PSPC1: variants seen among roughly 807,000 people sequenced by gnomAD.
PSPC1 encodes paraspeckle component 1.
PSPC1 carries 14 observed loss-of-function variants against 51.6 expected under a neutral mutation model. That is an observed-to-expected ratio of 0.27 (90% CI 0.18 to 0.42). PSPC1 has a LOEUF of 0.42. Among genes scored for constraint, PSPC1 ranks in the 10% least tolerant of loss-of-function variants. The probability of loss-of-function intolerance (pLI) is 1.00; values close to 1 mark genes in which losing one functional copy is unlikely to be tolerated. For missense variants in PSPC1, 406 were observed against 701.1 expected, an observed-to-expected ratio of 0.58 and a Z score of 4.75; for synonymous variants, 193 against 231.9, an observed-to-expected ratio of 0.83 and a Z score of 1.53.
chr13:19,715,453 A>G (rs1045590999), intron 6 of PSPC1, among the ~76,000 whole-genome samples: 1 of 152,202 alleles, frequency 6.6e-6, no homozygotes, highest in Non-Finnish European at 1.5e-5. Context: ...AAACAAGGTT[A>G]GCATAACCAT....
chr13:19,723,295 TAATC>T (rs1220491057), intron 6 of PSPC1, among the ~76,000 whole-genome samples: 1 of 152,218 alleles, frequency 6.6e-6, no homozygotes, highest in Non-Finnish European at 1.5e-5. Context: ...AAAAAAATGT[TAATC>T]AATACAATTA....
Position 19,772,471 on chromosome 13 carries a change from T to C in PSPC1, c.445A>G (p.Ile149Val). The change falls in exon 2 of 9, where the codon ATT (isoleucine) becomes GTT (valine). Residue 149 changes from isoleucine to valine, a missense_variant. By Grantham distance (29) the Ile-to-Val change is conservative (BLOSUM62 3). Coordinates refer to ENST00000338910, the MANE Select transcript of PSPC1 (RefSeq NM_001354909.2). ...GTILKSRPLR[I>V]RFATHGAALT... ...GCTGCTCCATGTGTAGCGAAGCGAA[T>C]CCGTAGAGGTCTGCTCTTGAGAATG... 1 of 1,614,250 alleles carries C rather than the reference T, an allele frequency of 6.2e-7. No homozygotes were observed. The highest frequency in any genetic ancestry group is 1.7e-4 in the Middle Eastern group (1 of 6,046).
At chr13:19,724,253 A>C (rs1284307217) in intron 6 of PSPC1, among the ~76,000 whole-genome samples, 1 of 152,228 alleles carries the variant, frequency 6.6e-6, no homozygotes, top group African/African-American at 2.4e-5. Context: ...TCAGAAAATA[A>C]ATTTGTATCT....
intron 4 of PSPC1, among the ~76,000 whole-genome samples, chr13:19,745,028 A>C (rs1885819279): frequency 6.6e-6 from 1 of 152,188 alleles, no homozygotes; most frequent in Non-Finnish European, 1.5e-5. Context: ...ACAGTGGCTT[A>C]CCAAAGTGGG....
chr13:19,700,971 A>C (rs1879834549), downstream of PSPC1, among the ~76,000 whole-genome samples: 1 of 152,292 alleles, frequency 6.6e-6, no homozygotes, highest in Non-Finnish European at 1.5e-5. Context: ...AAAACACGGA[A>C]TAACTGGGAG....
chr13:19,713,545 CAAAAAAA>C (rs61024238), intron 6 of PSPC1, among the ~76,000 whole-genome samples: 11 of 87,230 alleles, frequency 1.3e-4, no homozygotes, highest in South Asian at 9.5e-4. Context: ...CCCAGACAGC[CAAAAAAA>C]AAAAAAAAAA....
chr13:19,777,429 CAAAAAAAAAAA>C (rs397938970), intron 1 of PSPC1, among the ~76,000 whole-genome samples: 17 of 47,912 alleles, frequency 3.5e-4, no homozygotes, highest in East Asian at 1.1e-3. Flanking sequence ...GACCTCAGCT[CAAAAAAAAAAA>C]AAAAAAAAAA....
Position 19,741,875 on chromosome 13 carries a change from CAATCCCAGT to C in PSPC1, c.968-235_968-227del, listed in dbSNP as rs570410892. On this transcript the variant is annotated intron_variant, in intron 4 of 8. Coordinates refer to ENST00000338910, the MANE Select transcript of PSPC1 (RefSeq NM_001354909.2). ...GGCCAGGTGCGGTGGCCCACGCCTA[CAATCCCAGT>C]AATTTGGGAGGCCAAGGCAGGCGTA... Among the ~76,000 whole-genome samples the C allele has an allele frequency of 4.2e-3, 632 of 151,852 alleles. 3 individuals carry two copies. Among genetic ancestry groups the C allele is most frequent in the Admixed American group, 6.8e-3 (103 of 15,238 alleles).
chr13:19,711,516 T>C (rs1479289575), intron 6 of PSPC1, among the ~76,000 whole-genome samples: 2 of 151,866 alleles, frequency 1.3e-5, no homozygotes, highest in Non-Finnish European at 1.5e-5. Context: ...CAGGCGCCCG[T>C]AGTCCCAACT....
intron 6 of PSPC1, among the ~76,000 whole-genome samples, chr13:19,711,094 C>T (rs1239175863): frequency 2.0e-5 from 3 of 152,104 alleles, no homozygotes; most frequent in African/African-American, 4.8e-5. Context: ...TCCTGCCTCA[C>T]GCTCGCAATG....
chr13:19,719,715 T>C (rs904709209), intron 6 of PSPC1, among the ~76,000 whole-genome samples: 6 of 152,210 alleles, frequency 3.9e-5, no homozygotes, highest in African/African-American at 1.4e-4. Flanking sequence ...TGTAGCAAAA[T>C]TAATGGCTGT....
chr13:19,758,206 G>A (rs541404057), intron 3 of PSPC1, among the ~76,000 whole-genome samples: 5 of 151,966 alleles, frequency 3.3e-5, no homozygotes, highest in South Asian at 2.1e-4. Context: ...CCAGCTACTC[G>A]GGAGGCTGAG....
downstream of PSPC1, chr13:19,672,943 A>G (rs533349309): frequency 1.8e-3 from 684 of 381,086 alleles, 4 homozygotes; most frequent in South Asian, 4.8e-3. Context: ...GTAGTCCCAG[A>G]TACTCAGGAG....
chr13:19,761,155 T>C (rs1365070209), intron 2 of PSPC1, among the ~76,000 whole-genome samples: 3 of 151,190 alleles, frequency 2.0e-5, no homozygotes, highest in Non-Finnish European at 3.0e-5. Flanking sequence ...TAAATAAAAA[T>C]AAAAATAAAA....
At chr13:19,769,001 A>G (rs529228145) in intron 2 of PSPC1, among the ~76,000 whole-genome samples, 7 of 150,050 alleles carry the variant, frequency 4.7e-5, no homozygotes, top group African/African-American at 1.2e-4. Flanking sequence ...TTAGCCAGGC[A>G]TAGTGGTGCA....
At chr13:19,697,408 G>C (rs921264207) in intron 6 of PSPC1, among the ~76,000 whole-genome samples, 21 of 152,112 alleles carry the variant, frequency 1.4e-4, no homozygotes, top group Non-Finnish European at 2.9e-4. Flanking sequence ...TTAAGCCCTA[G>C]AAAACTAACC....
At chr13:19,730,959 A>AAAC (rs1883999357) in intron 5 of PSPC1, among the ~76,000 whole-genome samples, 1 of 23,106 alleles carries the variant, frequency 4.3e-5, no homozygotes, top group African/African-American at 7.0e-5. Context: ...AAAAAAAACA[A>AAAC]AAAAACAAAA....
chr13:19,759,316 A>G lies in PSPC1; in HGVS notation c.770+7T>C, dbSNP rs781097240. On this transcript the variant is annotated splice_region_variant and intron_variant, in intron 3 of 8. Coordinates refer to ENST00000338910, the MANE Select transcript of PSPC1 (RefSeq NM_001354909.2). ...CAGACACAAATTATCTATTAATAAAATCTTACTTATGATATTGTTGAGTTT... is the reference window on the plus strand; with the variant it reads ...CAGACACAAATTATCTATTAATAAAGTCTTACTTATGATATTGTTGAGTTT... 1.9e-6 allele frequency: 3 copies of G among 1,603,322 alleles called. No homozygotes were observed. In the South Asian group the frequency reaches 3.3e-5, roughly 18 times the overall value.
At chr13:19,753,956 C>A (rs1317135310) in intron 3 of PSPC1, among the ~76,000 whole-genome samples, 1 of 151,662 alleles carries the variant, frequency 6.6e-6, no homozygotes, top group African/African-American at 2.4e-5. Context: ...AAGTCAAAGA[C>A]TGACTATATT....
Sources: allele counts gnomAD v4.1 joint callset (sites outside exome capture counted in the v4.1 genomes callset), GRCh38; gene constraint gnomAD v4.1.1; transcripts MANE v1.5; gene names NCBI Gene and HGNC (gene_info 2026-07-23, HGNC 2026-07-21).